Variants in HEATR5B observed in about 807,000 individuals in gnomAD.
HEATR5B encodes HEAT repeat containing 5B, also known as HEAT repeat-containing protein 5B.
Under a neutral mutation model 224.1 loss-of-function variants are expected in HEATR5B, and 156 were observed. That is an observed-to-expected ratio of 0.70 (90% CI 0.61 to 0.80). The LOEUF (loss-of-function observed/expected upper bound fraction) is 0.80. Ranked by LOEUF, HEATR5B falls within the 30% of genes least tolerant of loss-of-function variation. The pLI, the probability that HEATR5B is intolerant of heterozygous loss-of-function variation, is 0.00. For synonymous variants in HEATR5B, 1,027 were observed against 893.0 expected (o/e 1.15, Z -2.68); for missense variants, 2,323 against 2,535.5 (o/e 0.92, Z 1.80).
At chr2:36,995,545 T>C (rs1252934257) in intron 33 of HEATR5B, among the ~76,000 whole-genome samples, 1 of 152,232 alleles carries the variant, frequency 6.6e-6, no homozygotes, top group Non-Finnish European at 1.5e-5. Flanking sequence ...GGTAATTTTT[T>C]AGAAGTCACA....
chr2:37,008,274 G>T (rs950743146), intron 28 of HEATR5B: 2 of 216,322 alleles, frequency 9.2e-6, no homozygotes, highest in East Asian at 2.2e-4. Flanking sequence ...ATCTGAAATA[G>T]AATATGAAAA....
At chr2:36,996,339 G>A (rs1274532434) in intron 33 of HEATR5B, among the ~76,000 whole-genome samples, 1 of 151,862 alleles carries the variant, frequency 6.6e-6, no homozygotes, top group Non-Finnish European at 1.5e-5. Context: ...GATTACAGGC[G>A]TGAGCCAATG....
chr2:37,060,656 A>G lies in HEATR5B; in HGVS notation c.1774T>C (p.Leu592=), dbSNP rs773398326. 3.7e-6 allele frequency: 6 copies of G among 1,613,882 alleles called. No homozygotes were observed. The South Asian group carries it at 4.4e-5, about 12-fold the overall frequency. Residue 592 remains leucine, a synonymous_variant, in exon 12 of 36, where the codon TTG becomes CTG. Transcript: ENST00000233099. ...TCGCCTCGGGCCTTCTCAGCTTCCA[A>G]TTCCTTTAAGGAACGTGGGAAAACA... The part of the protein sequence containing the change: ...RNVFPRSLKE[L]EAEKARGDSF...
intron 33 of HEATR5B, among the ~76,000 whole-genome samples, chr2:36,991,600 AC>A (rs1163259908): frequency 2.7e-5 from 4 of 147,454 alleles, no homozygotes; most frequent in Non-Finnish European, 4.5e-5. Context: ...TACAACTTGA[AC>A]AGAAATATAG....
At chr2:36,985,195 T>C (rs1665863522) in intron 35 of HEATR5B, among the ~76,000 whole-genome samples, 3 of 152,202 alleles carry the variant, frequency 2.0e-5, no homozygotes. Flanking sequence ...AGTATAAAAA[T>C]GTTGCCATCA....
chr2:36,981,685 G>T lies in HEATR5B; in HGVS notation c.6021C>A (p.Leu2007=). The change falls in exon 36 of 36, where the codon CTC becomes CTA. Residue 2007 remains leucine, a synonymous_variant. Coordinates refer to ENST00000233099, the MANE Select transcript of HEATR5B (RefSeq NM_019024.3). ...SASKDLHEFA[L]QNLMHIGPLY... ...GAGGTCCAATATGCATTAAATTCTG[G>T]AGTGCAAACTCATGAAGATCTTTGG... The T allele has an allele frequency of 6.2e-7, 1 of 1,614,084 alleles. No individual in the cohort carries two copies. Among genetic ancestry groups the T allele is most frequent in the South Asian group, 1.1e-5 (1 of 91,072 alleles).
chr2:36,988,158 G>A (rs1666072745), intron 35 of HEATR5B, among the ~76,000 whole-genome samples: 2 of 151,734 alleles, frequency 1.3e-5, no homozygotes, highest in African/African-American at 2.4e-5. Context: ...AAAAATCGCT[G>A]TGTTGAAATG....
At chr2:37,040,215 G>A in intron 20 of HEATR5B, 114 bp downstream of exon 20, 1 of 851,954 alleles carries the variant, frequency 1.2e-6, no homozygotes, top group East Asian at 2.6e-5. Flanking sequence ...CAAGTATTCA[G>A]TACATAGTAA....
At chr2:37,072,384 A>C (rs949296168) in intron 5 of HEATR5B, 103 bp from the exon 6 acceptor site, 1 of 693,194 alleles carries the variant, frequency 1.4e-6, no homozygotes, top group Non-Finnish European at 2.3e-6. Context: ...TAACCAAAAA[A>C]CTCGACAAAA....
chr2:37,033,275 A>C (rs1178422499), intron 21 of HEATR5B, among the ~76,000 whole-genome samples: 1 of 152,196 alleles, frequency 6.6e-6, no homozygotes, highest in African/African-American at 2.4e-5. Context: ...TTTTGACAAA[A>C]TACTACTACT....
chr2:37,027,954 C>G lies in HEATR5B; in HGVS notation c.3822G>C (p.Leu1274Phe). ...NADQAHFDLA[L>F]ARSAKLRNPT... ...GGTTTCGAAGTTTAGCAGAACGTGC[C>G]AAGGCAAGATCAAAGTGAGCCTGGT... Residue 1274 changes from leucine to phenylalanine, a missense_variant, in exon 24 of 36, where the codon TTG (leucine) becomes TTC (phenylalanine). This residue lies in a region of HEATR5B where 339 missense variants were observed against 378.4 expected (regional missense o/e 0.90). Coordinates refer to ENST00000233099, the MANE Select transcript of HEATR5B (RefSeq NM_019024.3). 6.2e-7 allele frequency: 1 copy of G among 1,614,056 alleles called. No individual in the cohort carries two copies. Among genetic ancestry groups the G allele is most frequent in the Non-Finnish European group, 8.5e-7 (1 of 1,179,962 alleles).
intron 26 of HEATR5B, among the ~76,000 whole-genome samples, chr2:37,016,113 CTTTT>C (rs370375953): frequency 2.3e-5 from 3 of 132,020 alleles, no homozygotes; most frequent in Middle Eastern, 3.9e-3. Flanking sequence ...TCCTTACTTT[CTTTT>C]TTTTTTTTTT....
At chr2:37,063,519 A>G (rs1377239134) in intron 10 of HEATR5B, among the ~76,000 whole-genome samples, 4 of 152,154 alleles carry the variant, frequency 2.6e-5, no homozygotes, top group Non-Finnish European at 5.9e-5. Context: ...AAGTGGTATG[A>G]GGAAGATGGG....
Position 37,008,709 on chromosome 2 carries a change from G to C in HEATR5B, c.4424C>G (p.Pro1475Arg), listed in dbSNP as rs1239428076. 6.2e-7 allele frequency: 1 copy of C among 1,614,102 alleles called. No homozygotes were observed. Among genetic ancestry groups the C allele is most frequent in the Non-Finnish European group, 8.5e-7 (1 of 1,179,992 alleles). Residue 1475 changes from proline to arginine, a missense_variant, in exon 28 of 36, where the codon CCT (proline) becomes CGT (arginine). By Grantham distance (103) the Pro-to-Arg change is moderately radical (BLOSUM62 -2). This residue lies in a region of HEATR5B where 844 missense variants were observed against 812.9 expected (regional missense o/e 1.04). Coordinates refer to ENST00000233099, the MANE Select transcript of HEATR5B (RefSeq NM_019024.3). ...PPDSLITLVQ[P>R]ELPTLSRLWL... ...CAGGCGACTGAGTGTTGGTAGTTCA[G>C]GTTGTACCAGTGTTATTAAACTATC...
chr2:37,035,366 G>GT (rs1558761290), intron 21 of HEATR5B, among the ~76,000 whole-genome samples: 2 of 151,950 alleles, frequency 1.3e-5, no homozygotes, highest in Non-Finnish European at 2.9e-5. Flanking sequence ...TGCCACAGTC[G>GT]TAAGTTATAT....
rs77262258 is a variant in HEATR5B, at chr2:37,068,165, T to C, written c.1177+516A>G. 4.6e-3 allele frequency among the ~76,000 whole-genome samples: 708 copies of C among 152,280 alleles called. 4 individuals carry two copies. The highest frequency in any genetic ancestry group is 0.016 in the African/African-American group (682 of 41,562). ...CTCTGCAAATCTAAGACAATAACTA[T>C]TTATTAAATTGAAAAATTTATAAAA... On this transcript the variant is annotated intron_variant, in intron 8 of 35. Coordinates refer to ENST00000233099, the MANE Select transcript of HEATR5B (RefSeq NM_019024.3).
intron 2 of HEATR5B, among the ~76,000 whole-genome samples, chr2:37,079,714 A>G (rs1020703251): frequency 6.6e-6 from 1 of 152,220 alleles, no homozygotes; most frequent in Non-Finnish European, 1.5e-5. Context: ...AGTAGTTCAT[A>G]AAGTTACAGG....
chr2:37,078,979 C>A (rs912035259), intron 3 of HEATR5B, 141 bp downstream of exon 3: 7 of 511,264 alleles, frequency 1.4e-5, no homozygotes, highest in African/African-American at 3.9e-5. Context: ...CATCACAACT[C>A]GATCCACTTA....
rs906991815 is a variant in HEATR5B, at chr2:37,061,933, T to G, written c.1696+6A>C. The G allele has an allele frequency of 5.7e-6, 9 of 1,569,678 alleles. No homozygotes were observed. In the African/African-American group the frequency reaches 8.1e-5, roughly 14 times the overall value. On this transcript the variant is annotated splice_donor_region_variant and intron_variant, in intron 11 of 35. Coordinates refer to ENST00000233099, the MANE Select transcript of HEATR5B (RefSeq NM_019024.3). ...TGACAAAAATCCTACTCAAATATAA[T>G]TATACCTAAAGTCATAAGTGCTCCA... is the stretch of plus-strand genomic sequence containing the variant.
Sources: gnomAD v4.1 joint callset for allele counts (sites outside exome capture counted in the v4.1 genomes callset) on GRCh38, gnomAD v4.1.1 for gene constraint, gnomAD v4.1.1 regional missense constraint, MANE v1.5 for transcripts, NCBI Gene and HGNC (gene_info 2026-07-23, HGNC 2026-07-21) for gene names.